The following C3orf20 variants were observed in gnomAD, a reference collection of about 807,000 sequenced individuals.
C3orf20 encodes the protein uncharacterized protein C3orf20.
A neutral mutation model predicts 88.3 loss-of-function variants in C3orf20; 76 were observed. That is an observed-to-expected ratio of 0.86 (90% CI 0.72 to 1.04). The LOEUF (loss-of-function observed/expected upper bound fraction) is 1.04. Ranked by LOEUF, C3orf20 falls within the 50% of genes least tolerant of loss-of-function variation. The pLI is 0.00. For synonymous variants in C3orf20, 436 were observed against 437.4 expected (o/e 1.00, Z 0.04); for missense variants, 1,056 against 1,123.3 (o/e 0.94, Z 0.86).
At chr3:14,737,584 C>G (rs1385980523) in intron 12 of C3orf20, among the ~76,000 whole-genome samples, 3 of 152,224 alleles carry the variant, frequency 2.0e-5, no homozygotes, top group Non-Finnish European at 4.4e-5. Context: ...TCAGCAAGTC[C>G]TAATCTTTTT....
At position 14,749,996 on chromosome 3, in the gene C3orf20, G is replaced by GAAA. The variant is rs35932310; in HGVS notation, c.1941-7367_1941-7365dup. On this transcript the variant is annotated intron_variant, in intron 12 of 16. Coordinates refer to ENST00000253697, the MANE Select transcript of C3orf20 (RefSeq NM_032137.5). ...ATGTATTTGTGTTTTAAATCATACA[G>GAAA]AAAAAAAAAACAAAAAAGTTACAAA... is the stretch of plus-strand genomic sequence containing the variant. Among the ~76,000 whole-genome samples, 51 of 146,126 alleles carry GAAA rather than the reference G, an allele frequency of 3.5e-4. No homozygotes were observed. The South Asian group carries it at 6.6e-3, about 19-fold the overall frequency.
intron 5 of C3orf20, among the ~76,000 whole-genome samples, chr3:14,691,907 T>C (rs182766100): frequency 2.6e-5 from 4 of 152,296 alleles, no homozygotes; most frequent in African/African-American, 9.6e-5. Context: ...CACACTACCC[T>C]TCCCAGCCTC....
chr3:14,683,359 C>T (rs2032214981), intron 3 of C3orf20, among the ~76,000 whole-genome samples, 162 bp downstream of exon 3: 1 of 152,166 alleles, frequency 6.6e-6, no homozygotes, highest in African/African-American at 2.4e-5. Context: ...CCTGTTCTCC[C>T]ATTTTTCCTG....
intron 7 of C3orf20, 83 bp from the exon 8 acceptor site, chr3:14,713,924 G>T: frequency 6.8e-7 from 1 of 1,477,410 alleles, no homozygotes; most frequent in South Asian, 1.2e-5. Context: ...CTAACACTTT[G>T]ACATGTGGAC....
In C3orf20 at chr3:14,761,573, A is replaced by G. The variant is rs1282744753; in HGVS notation, c.2453A>G (p.Asp818Gly). ...AAACAGATCTTCCGGTCTCAACAGG[A>G]TTACAAGATGGGCTACTTCCTGCCG... ...LLKQIFRSQQDYKMGYFLPDD... is the reference protein window; with the variant it reads ...LLKQIFRSQQGYKMGYFLPDD... The change falls in exon 15 of 17, where the codon GAT (aspartate) becomes GGT (glycine). Residue 818 changes from aspartate to glycine, a missense_variant. Physicochemically the swap from Asp to Gly is moderately conservative, Grantham distance 94. Coordinates refer to ENST00000253697, the MANE Select transcript of C3orf20 (RefSeq NM_032137.5). 1.9e-6 allele frequency: 3 copies of G among 1,613,962 alleles called. No individual in the cohort carries two copies. Among genetic ancestry groups the G allele is most frequent in the Non-Finnish European group, 2.5e-6 (3 of 1,180,028 alleles).
intron 12 of C3orf20, among the ~76,000 whole-genome samples, chr3:14,732,839 A>G (rs1445461983): frequency 7.6e-6 from 1 of 130,922 alleles, no homozygotes; most frequent in African/African-American, 2.8e-5. Flanking sequence ...TATGTTTTAT[A>G]TTTAGGTCTA....
At chr3:14,757,273 G>A in intron 12 of C3orf20, 98 bp from the exon 13 acceptor site, 1 of 1,076,180 alleles carries the variant, frequency 9.3e-7, no homozygotes, top group South Asian at 1.6e-5. Flanking sequence ...AAATCTGCCT[G>A]CAGCAGGGCC....
chr3:14,683,240 C>T (rs760619865), intron 3 of C3orf20, 43 bp downstream of exon 3: 54 of 1,519,474 alleles, frequency 3.6e-5, no homozygotes, highest in Non-Finnish European at 4.2e-5. Flanking sequence ...ACACCCACTA[C>T]AGACGGGCGT....
chr3:14,677,689 C>T (rs2031851192), intron 1 of C3orf20, among the ~76,000 whole-genome samples: 1 of 152,006 alleles, frequency 6.6e-6, no homozygotes, highest in Non-Finnish European at 1.5e-5. Context: ...TTACTGGAGA[C>T]GGGGTTTCAC....
intron 12 of C3orf20, among the ~76,000 whole-genome samples, chr3:14,747,388 C>T (rs1308693225): frequency 1.3e-5 from 2 of 152,052 alleles, no homozygotes; most frequent in Admixed American, 6.6e-5. Context: ...CCTGTGTGGC[C>T]CACCCATTAA....
intron 12 of C3orf20, among the ~76,000 whole-genome samples, chr3:14,729,071 C>G (rs2034454605): frequency 6.6e-6 from 1 of 152,112 alleles, no homozygotes; most frequent in Non-Finnish European, 1.5e-5. Context: ...TTTCTGGGAA[C>G]ACGGCTACAC....
chr3:14,772,352 G>T lies in C3orf20; in HGVS notation c.2630+151G>T. The T allele has an allele frequency of 1.0e-6, 1 of 986,524 alleles. No individual in the cohort carries two copies. The highest frequency in any genetic ancestry group is 2.6e-5 in the East Asian group (1 of 38,538). The allele number at this position is 986,524 out of a possible 1,614,324, so 61.1% of individuals were successfully genotyped here. ...TAGCCCATGTAATCAACACAATATT[G>T]GGCGGGCATGCAGGCTGCCCTGGAG... On this transcript the variant is annotated intron_variant, in intron 16 of 16. Coordinates refer to ENST00000253697, the MANE Select transcript of C3orf20 (RefSeq NM_032137.5). The surrounding 1 kb of genome is among the most constrained non-coding windows in gnomAD (Gnocchi z 4.2).
chr3:14,738,739 C>G (rs2034805927), intron 12 of C3orf20, among the ~76,000 whole-genome samples: 1 of 97,050 alleles, frequency 1.0e-5, no homozygotes, highest in Non-Finnish European at 2.3e-5. Flanking sequence ...CTCCTGGGTT[C>G]AAGCGACTCT....
chr3:14,702,876 C>T (rs2033332495), intron 5 of C3orf20, among the ~76,000 whole-genome samples: 2 of 152,154 alleles, frequency 1.3e-5, no homozygotes, highest in Admixed American at 6.5e-5. Context: ...CCTGTAAAAT[C>T]AAAAGCAAGC....
Position 14,714,172 on chromosome 3 carries a change from G to A in C3orf20, c.1313+13G>A. ...ACCTAAAAACCAGGTAAGTGGACTG[G>A]GAGAGTACTAGTCACACGGAAGTAC... On this transcript the variant is annotated intron_variant, in intron 8 of 16. Transcript: ENST00000253697. 1 of 1,612,926 alleles carries A rather than the reference G, an allele frequency of 6.2e-7. No homozygotes were observed. Among genetic ancestry groups the A allele is most frequent in the Non-Finnish European group, 8.5e-7 (1 of 1,179,864 alleles).
At chr3:14,763,746 G>A (rs1035657461) in intron 15 of C3orf20, among the ~76,000 whole-genome samples, 10 of 152,170 alleles carry the variant, frequency 6.6e-5, no homozygotes, top group Non-Finnish European at 4.4e-5. Flanking sequence ...TTTGTAGAGT[G>A]AGACTCACTG....
At chr3:14,740,023 G>C (rs901970117) in intron 12 of C3orf20, among the ~76,000 whole-genome samples, 3 of 152,266 alleles carry the variant, frequency 2.0e-5, no homozygotes, top group African/African-American at 7.2e-5. Flanking sequence ...CTGTTTTGCT[G>C]TCTTATTTGT....
intron 4 of C3orf20, among the ~76,000 whole-genome samples, chr3:14,687,737 C>A (rs2032505243): frequency 6.6e-6 from 1 of 152,200 alleles, no homozygotes; most frequent in Non-Finnish European, 1.5e-5. Context: ...AACACTCCTT[C>A]TGATAAAGTG....
In C3orf20 at chr3:14,768,549, G is replaced by A. The variant is rs2125046419; in HGVS notation, c.2496-3518G>A. Among the ~76,000 whole-genome samples, 1 of 152,152 alleles carries A rather than the reference G, an allele frequency of 6.6e-6. No homozygotes were observed. Among genetic ancestry groups the A allele is most frequent in the African/African-American group, 2.4e-5 (1 of 41,418 alleles). The stretch of plus-strand genomic sequence containing the variant: ...GATCAGAGTTGGGCTTTAGACTCAT[G>A]AACCTGGCAGGGACTGGGTTGGGGC... On this transcript the variant is annotated intron_variant, in intron 15 of 16. Transcript: ENST00000253697. This position sits in a 1 kb window ranked among gnomAD's most constrained non-coding sequence, Gnocchi z 4.1.
Sources: allele counts gnomAD v4.1 joint callset (sites outside exome capture counted in the v4.1 genomes callset), GRCh38; gene constraint gnomAD v4.1.1; non-coding constraint Gnocchi (gnomAD v3.1); transcripts MANE v1.5; gene names NCBI Gene and HGNC (gene_info 2026-07-23, HGNC 2026-07-21).